The following TAFA2 variants were observed in gnomAD, a reference collection of about 807,000 sequenced individuals.
TAFA2 encodes chemokine-like protein TAFA-2.
In TAFA2, 7 loss-of-function variants were observed where a neutral mutation model predicts 18.8. The observed-to-expected ratio is 0.37, with a 90% CI of 0.21 to 0.70. The LOEUF (loss-of-function observed/expected upper bound fraction) is 0.70. Among genes scored for constraint, TAFA2 ranks in the 30% least tolerant of loss-of-function variants. The pLI, the probability that TAFA2 is intolerant of heterozygous loss-of-function variation, is 0.53. For missense variants in TAFA2, 122 were observed against 158.1 expected, an observed-to-expected ratio of 0.77 and a Z score of 1.23; for synonymous variants, 60 against 54.2, an observed-to-expected ratio of 1.11 and a Z score of -0.47.
intron 2 of TAFA2, among the ~76,000 whole-genome samples, chr12:61,843,583 A>C (rs1023332900): frequency 6.6e-6 from 1 of 152,126 alleles, no homozygotes; most frequent in Non-Finnish European, 1.5e-5. Flanking sequence ...AGAGATCTCA[A>C]AGATGAGAAG....
intron 1 of TAFA2, among the ~76,000 whole-genome samples, chr12:62,084,409 C>A (rs1264737206): frequency 2.0e-5 from 3 of 152,140 alleles, no homozygotes; most frequent in African/African-American, 7.2e-5. Context: ...CTGAGCAGAG[C>A]AATGCAAAGT....
chr12:62,093,555 T>A (rs749869212), intron 1 of TAFA2, among the ~76,000 whole-genome samples: 68 of 152,162 alleles, frequency 4.5e-4, no homozygotes, highest in Non-Finnish European at 8.5e-4. Flanking sequence ...GGGAAGTCTG[T>A]AAATTTTAGC....
At position 62,009,995 on chromosome 12, in the gene TAFA2, G is replaced by C. The variant is rs1306117537; in HGVS notation, c.-1-142569C>G. Among the ~76,000 whole-genome samples the C allele has an allele frequency of 2.0e-5, 3 of 151,892 alleles. No homozygotes were observed. In the East Asian group the frequency reaches 5.8e-4, roughly 29 times the overall value. Reference sequence around the variant, plus strand: ...TGCCAGAAAAGAATAAAGGAGACTGGTCAATTGAGGTAGTCTCATAACATA... The same window carrying C: ...TGCCAGAAAAGAATAAAGGAGACTGCTCAATTGAGGTAGTCTCATAACATA... On this transcript the variant is annotated intron_variant, in intron 1 of 4. Transcript: ENST00000416284.
rs199497604 is a variant in TAFA2 at position 62,241,042 on chromosome 12, G to C, written c.-130+17721C>G. 1.6e-4 allele frequency among the ~76,000 whole-genome samples: 25 copies of C among 152,282 alleles called. No individual in the cohort carries two copies. In the East Asian group the frequency reaches 4.8e-3, roughly 29 times the overall value. On this transcript the variant is annotated intron_variant, in intron 1 of 5. Transcript: ENST00000551619. ...GTGCCAAAAAAGGTTGGGGACCACT[G>C]TTTTAAAGGCTTATTCTGTCTACTT... is the stretch of plus-strand genomic sequence containing the variant.
chr12:61,724,145 C>T (rs1039065999), intron 4 of TAFA2, among the ~76,000 whole-genome samples: 1 of 152,048 alleles, frequency 6.6e-6, no homozygotes, highest in African/African-American at 2.4e-5. Context: ...GACCTCTCTC[C>T]TGCTTTATTT....
chr12:62,017,593 A>C (rs1203102791), intron 1 of TAFA2, among the ~76,000 whole-genome samples: 1 of 152,136 alleles, frequency 6.6e-6, no homozygotes, highest in Non-Finnish European at 1.5e-5. Context: ...AAATATTTTT[A>C]TTCTGGAGTG....
chr12:62,250,796 C>T (rs1439393052), intron 1 of TAFA2, among the ~76,000 whole-genome samples: 1 of 152,102 alleles, frequency 6.6e-6, no homozygotes, highest in Non-Finnish European at 1.5e-5. Context: ...GAATGTACTT[C>T]CCTGATATTA....
intron 1 of TAFA2, among the ~76,000 whole-genome samples, chr12:62,062,083 G>T (rs1264022296): frequency 6.6e-6 from 1 of 152,068 alleles, no homozygotes; most frequent in Non-Finnish European, 1.5e-5. Flanking sequence ...CTGAGGCATG[G>T]GAATTGCTTG....
intron 1 of TAFA2, among the ~76,000 whole-genome samples, chr12:62,149,747 T>C (rs577570740): frequency 2.0e-5 from 3 of 152,206 alleles, no homozygotes; most frequent in South Asian, 4.1e-4. Context: ...AATATTCAGC[T>C]GTACTAAATA....
rs185959269 is a variant in TAFA2, at chr12:61,924,418, G to C, written c.-1-56992C>G. Reference sequence around the variant, plus strand: ...TGCAGAAATCCTACAAGCCAGAAGAGAGTGGGGGCCAATATTCAACATTCT... The same window carrying C: ...TGCAGAAATCCTACAAGCCAGAAGACAGTGGGGGCCAATATTCAACATTCT... On this transcript the variant is annotated intron_variant, in intron 1 of 4. Coordinates refer to ENST00000416284, the MANE Select transcript of TAFA2 (RefSeq NM_178539.5). Among the ~76,000 whole-genome samples the C allele has an allele frequency of 4.0e-3, 615 of 152,330 alleles. 1 individual carries two copies. The highest frequency in any genetic ancestry group is 6.4e-3 in the Non-Finnish European group (437 of 68,030).
chr12:61,977,866 A>G (rs1279731780), intron 1 of TAFA2, among the ~76,000 whole-genome samples: 1 of 152,044 alleles, frequency 6.6e-6, no homozygotes, highest in Non-Finnish European at 1.5e-5. Flanking sequence ...TCTTCTAATC[A>G]GTTTTCAGAT....
chr12:61,830,623 T>A (rs1872686305), intron 2 of TAFA2, among the ~76,000 whole-genome samples: 1 of 151,806 alleles, frequency 6.6e-6, no homozygotes. Context: ...GAATGGGAGA[T>A]GAGAAATTAC....
At chr12:61,834,028 A>G (rs1021017165) in intron 2 of TAFA2, among the ~76,000 whole-genome samples, 1 of 152,060 alleles carries the variant, frequency 6.6e-6, no homozygotes, top group African/African-American at 2.4e-5. Flanking sequence ...ATACCTCCTG[A>G]TCCCATCAAA....
At chr12:62,036,388 C>T (rs1881612384) in intron 1 of TAFA2, among the ~76,000 whole-genome samples, 1 of 152,178 alleles carries the variant, frequency 6.6e-6, no homozygotes, top group Admixed American at 6.5e-5. Context: ...TAAATAAATG[C>T]TCTCTAAGCC....
chr12:62,102,951 T>C lies in TAFA2; in HGVS notation c.-2+88308A>G, dbSNP rs145130288. On this transcript the variant is annotated intron_variant, in intron 1 of 4. Transcript: ENST00000416284. ...TCTCTCCAAAGAGGAGAGAAACTTA[T>C]GTTTCCCACATATATTCTGGGTAGT... Among the ~76,000 whole-genome samples, 540 of 152,332 alleles carry C rather than the reference T, an allele frequency of 3.5e-3. 3 individuals carry two copies. Among genetic ancestry groups the C allele is most frequent in the Non-Finnish European group, 5.7e-3 (391 of 68,024 alleles).
chr12:61,899,353 G>A (rs557196321), intron 1 of TAFA2, among the ~76,000 whole-genome samples: 1 of 152,210 alleles, frequency 6.6e-6, no homozygotes, highest in South Asian at 2.1e-4. Flanking sequence ...TTTTCACCCT[G>A]ATATAAAGAA....
At chr12:61,907,019 T>C (rs1428420682) in intron 1 of TAFA2, among the ~76,000 whole-genome samples, 1 of 152,166 alleles carries the variant, frequency 6.6e-6, no homozygotes, top group Admixed American at 6.5e-5. Context: ...TGGTTTGGAA[T>C]TGGCACTTAG....
intron 1 of TAFA2, among the ~76,000 whole-genome samples, chr12:62,046,251 A>T (rs1158021843): frequency 2.0e-5 from 3 of 152,140 alleles, no homozygotes; most frequent in Non-Finnish European, 4.4e-5. Flanking sequence ...AAAATGAGTC[A>T]AGATAAGTCA....
At chr12:61,836,926 G>C (rs1004735982) in intron 2 of TAFA2, among the ~76,000 whole-genome samples, 1 of 150,808 alleles carries the variant, frequency 6.6e-6, no homozygotes, top group Non-Finnish European at 1.5e-5. Context: ...ACATATGAAG[G>C]CTATTATTTT....
Sources: gnomAD v4.1 joint callset for allele counts (sites outside exome capture counted in the v4.1 genomes callset) on GRCh38, gnomAD v4.1.1 for gene constraint, MANE v1.5 for transcripts, NCBI Gene and HGNC (gene_info 2026-07-23, HGNC 2026-07-21) for gene names.